TRHDE: variants seen among roughly 807,000 people sequenced by gnomAD.
TRHDE encodes thyrotropin releasing hormone degrading enzyme, also known as thyrotropin-releasing hormone-degrading ectoenzyme.
Under a neutral mutation model 125.7 loss-of-function variants are expected in TRHDE, and 72 were observed. That is an observed-to-expected ratio of 0.57 (90% CI 0.47 to 0.70). The LOEUF (loss-of-function observed/expected upper bound fraction) is 0.70. Among genes scored for constraint, TRHDE ranks in the 30% least tolerant of loss-of-function variants. TRHDE has a pLI of 0.00. For synonymous variants in TRHDE, 509 were observed against 509.1 expected, an observed-to-expected ratio of 1.00 and a Z score of 0.00; for missense variants, 1,110 against 1,327.1, an observed-to-expected ratio of 0.84 and a Z score of 2.54.
At position 72,375,072 on chromosome 12, in the gene TRHDE, G is replaced by A. The variant is rs189862106; in HGVS notation, c.1189-2923G>A. 1.4e-3 allele frequency among the ~76,000 whole-genome samples: 220 copies of A among 152,270 alleles called. 1 individual carries two copies. Among genetic ancestry groups the A allele is most frequent in the African/African-American group, 5.0e-3 (207 of 41,556 alleles). ...ATTTGGGGAACTGTGCCTTTGAAAA[G>A]GCAAGAGGAGGTTAAATGTGAAGAG... On this transcript the variant is annotated intron_variant, in intron 2 of 18. Coordinates refer to ENST00000261180, the MANE Select transcript of TRHDE (RefSeq NM_013381.3).
At chr12:72,652,568 T>C in intron 16 of TRHDE, 79 bp downstream of exon 16, 1 of 1,116,740 alleles carries the variant, frequency 9.0e-7, no homozygotes, top group Non-Finnish European at 1.3e-6. Context: ...TTGCTTTTAT[T>C]TACTTGAATA....
chr12:72,473,041 G>C (rs772053123), intron 4 of TRHDE, 26 bp from the exon 5 acceptor site: 1 of 1,522,280 alleles, frequency 6.6e-7, no homozygotes, highest in South Asian at 1.1e-5. Flanking sequence ...TATTTTATTT[G>C]ATGACCATTA....
chr12:72,492,076 C>T (rs1877709425), intron 5 of TRHDE, among the ~76,000 whole-genome samples: 1 of 151,936 alleles, frequency 6.6e-6, no homozygotes, highest in Admixed American at 6.6e-5. Context: ...TGTGTTTACA[C>T]AAGATTGGCT....
chr12:72,170,100 G>A (rs1398529928), intron 2 of TRHDE, among the ~76,000 whole-genome samples: 1 of 152,194 alleles, frequency 6.6e-6, no homozygotes, highest in Non-Finnish European at 1.5e-5. Flanking sequence ...TTGGTAGAAT[G>A]GCAGGCTCAA....
intron 2 of TRHDE, among the ~76,000 whole-genome samples, chr12:72,319,367 C>T (rs1726838061): frequency 6.6e-6 from 1 of 152,112 alleles, no homozygotes; most frequent in Non-Finnish European, 1.5e-5. Context: ...CCTAGGTCTG[C>T]TTCAGTAGAC....
chr12:72,180,414 GACA>G (rs1202398352), intron 2 of TRHDE, among the ~76,000 whole-genome samples: 1 of 151,892 alleles, frequency 6.6e-6, no homozygotes, highest in Non-Finnish European at 1.5e-5. Flanking sequence ...TATTTTTCAG[GACA>G]ACAATTTGCT....
chr12:72,553,640 C>T (rs1869779907), intron 7 of TRHDE, among the ~76,000 whole-genome samples: 1 of 152,010 alleles, frequency 6.6e-6, no homozygotes, highest in African/African-American at 2.4e-5. Flanking sequence ...CCATTACTTT[C>T]CTGTATTTGG....
chr12:72,342,225 A>G (rs1181685901), intron 2 of TRHDE, among the ~76,000 whole-genome samples: 1 of 152,124 alleles, frequency 6.6e-6, no homozygotes, highest in Non-Finnish European at 1.5e-5. Context: ...AAAGAAAATC[A>G]TGGTTATAAC....
intron 3 of TRHDE, among the ~76,000 whole-genome samples, chr12:72,420,729 A>G (rs1592431838): frequency 6.6e-6 from 1 of 152,156 alleles, no homozygotes; most frequent in Non-Finnish European, 1.5e-5. Flanking sequence ...CTGTTGATCA[A>G]TTTCACACAT....
rs73342678 is a variant in TRHDE at position 72,376,795 on chromosome 12, T to C, written c.1189-1200T>C. Among the ~76,000 whole-genome samples, 1,500 of 152,256 alleles carry C rather than the reference T, an allele frequency of 9.9e-3. 34 individuals carry two copies. The highest frequency in any genetic ancestry group is 0.034 in the African/African-American group (1,408 of 41,560). Reference sequence around the variant, plus strand: ...CATGTACAGCTTTATTTGTTTTTAATTGAATGTAAATATTCAATGAGTACA... The same window carrying C: ...CATGTACAGCTTTATTTGTTTTTAACTGAATGTAAATATTCAATGAGTACA... On this transcript the variant is annotated intron_variant, in intron 2 of 18. Coordinates refer to ENST00000261180, the MANE Select transcript of TRHDE (RefSeq NM_013381.3).
chr12:72,111,234 A>G (rs888758712), intron 2 of TRHDE, among the ~76,000 whole-genome samples: 5 of 152,168 alleles, frequency 3.3e-5, no homozygotes, highest in African/African-American at 1.2e-4. Context: ...CACTGGTTCT[A>G]TTGATAATCT....
intron 3 of TRHDE, among the ~76,000 whole-genome samples, chr12:72,386,224 G>C (rs950654504): frequency 1.8e-4 from 28 of 152,178 alleles, no homozygotes; most frequent in African/African-American, 6.8e-4. Context: ...CCTAATCAGG[G>C]TGTATTTTAA....
intron 2 of TRHDE, among the ~76,000 whole-genome samples, chr12:72,111,041 A>C (rs1438252582): frequency 1.3e-5 from 2 of 152,154 alleles, no homozygotes; most frequent in Non-Finnish European, 2.9e-5. Flanking sequence ...TGACCAAGTC[A>C]ACTTCGCCAG....
At chr12:72,165,046 G>T (rs987627882) in intron 2 of TRHDE, among the ~76,000 whole-genome samples, 1 of 152,170 alleles carries the variant, frequency 6.6e-6, no homozygotes, top group Non-Finnish European at 1.5e-5. Context: ...TAAAATAGAT[G>T]GGCAGCTCAC....
intron 3 of TRHDE, among the ~76,000 whole-genome samples, chr12:72,386,080 C>G (rs756320141): frequency 1.3e-5 from 2 of 152,164 alleles, no homozygotes; most frequent in Non-Finnish European, 2.9e-5. Flanking sequence ...TATTATTTTG[C>G]TAGCTTGACA....
intron 7 of TRHDE, among the ~76,000 whole-genome samples, chr12:72,547,334 A>G (rs1869466214): frequency 6.6e-6 from 1 of 151,658 alleles, no homozygotes; most frequent in Non-Finnish European, 1.5e-5. Context: ...AACAATTACC[A>G]CATTTTACTA....
chr12:72,599,804 C>T (rs1872133897), intron 12 of TRHDE, among the ~76,000 whole-genome samples: 1 of 151,888 alleles, frequency 6.6e-6, no homozygotes, highest in Non-Finnish European at 1.5e-5. Context: ...CTGATGTCCA[C>T]AATGGTGTTT....
intron 7 of TRHDE, chr12:72,560,815 G>A (rs546854558): frequency 1.3e-5 from 2 of 152,192 alleles, no homozygotes; most frequent in Non-Finnish European, 2.9e-5. Context: ...GACAGAGTGA[G>A]ATCTTGTCTC....
intron 5 of TRHDE, among the ~76,000 whole-genome samples, chr12:72,482,036 C>T (rs781077193): frequency 3.1e-4 from 47 of 151,790 alleles, no homozygotes; most frequent in Non-Finnish European, 6.0e-4. Flanking sequence ...TGATGTATTG[C>T]TGCTACATTT....
Sources: allele counts gnomAD v4.1 joint callset (sites outside exome capture counted in the v4.1 genomes callset), GRCh38; gene constraint gnomAD v4.1.1; transcripts MANE v1.5; gene names NCBI Gene and HGNC (gene_info 2026-07-23, HGNC 2026-07-21).